CAPRIN1: variants seen among roughly 807,000 people sequenced by gnomAD.
The protein encoded by CAPRIN1 is cell cycle associated protein 1.
In CAPRIN1, 29 loss-of-function variants were observed where a neutral mutation model predicts 100.9. The observed-to-expected ratio is 0.29, with a 90% CI of 0.21 to 0.39. The LOEUF is 0.39. Ranked by LOEUF, CAPRIN1 falls within the 10% of genes least tolerant of loss-of-function variation. The pLI, the probability that CAPRIN1 is intolerant of heterozygous loss-of-function variation, is 1.00. For missense variants in CAPRIN1, 795 were observed against 876.7 expected (o/e 0.91, Z 1.18); for synonymous variants, 338 against 307.5 (o/e 1.10, Z -1.04).
Position 34,082,937 on chromosome 11 carries a change from A to G in CAPRIN1, c.880-18A>G, listed in dbSNP as rs766494933. 5 of 1,613,526 alleles carry G rather than the reference A, an allele frequency of 3.1e-6. No individual in the cohort carries two copies. The South Asian group carries it at 4.4e-5, about 14-fold the overall frequency. ...TGCCTTTCAAACAAATGTCTCAAAC[A>G]TTTACTTTGCTTTGCAGTATGTAAA... is the stretch of plus-strand genomic sequence containing the variant. On this transcript the variant is annotated intron_variant, in intron 8 of 18. Transcript: ENST00000341394.
chr11:34,057,457 C>A (rs1850475936), intron 2 of CAPRIN1, among the ~76,000 whole-genome samples: 1 of 152,078 alleles, frequency 6.6e-6, no homozygotes, highest in African/African-American at 2.4e-5. Flanking sequence ...AGGATACTAC[C>A]CATGTGGCAG....
chr11:34,069,899 A>G (rs1380892840), intron 2 of CAPRIN1, among the ~76,000 whole-genome samples: 6 of 114,358 alleles, frequency 5.2e-5, no homozygotes, highest in African/African-American at 2.0e-4. Flanking sequence ...AAAATAGATC[A>G]TTTGACCTAA....
chr11:34,070,355 A>G (rs747348073), intron 2 of CAPRIN1, among the ~76,000 whole-genome samples: 3 of 152,252 alleles, frequency 2.0e-5, no homozygotes, highest in Non-Finnish European at 2.9e-5. Flanking sequence ...GAAGTACATT[A>G]AAGACAATAT....
intron 11 of CAPRIN1, among the ~76,000 whole-genome samples, chr11:34,086,750 G>A (rs1851154175): frequency 6.6e-6 from 1 of 152,162 alleles, no homozygotes; most frequent in Non-Finnish European, 1.5e-5. Flanking sequence ...TCAATCACTA[G>A]TTACCCTCAC....
intron 6 of CAPRIN1, among the ~76,000 whole-genome samples, chr11:34,078,332 A>G (rs527796020): frequency 1.4e-4 from 22 of 152,326 alleles, no homozygotes; most frequent in African/African-American, 5.1e-4. Flanking sequence ...ACAGTGACCT[A>G]TCGGGGAGTG....
chr11:34,078,979 T>G (rs1850958819), intron 6 of CAPRIN1, among the ~76,000 whole-genome samples: 1 of 151,914 alleles, frequency 6.6e-6, no homozygotes, highest in Non-Finnish European at 1.5e-5. Context: ...AGGGGATATA[T>G]TGTGTCTTTA....
At chr11:34,097,367 T>A in intron 17 of CAPRIN1, 71 bp downstream of exon 17, 1 of 1,231,114 alleles carries the variant, frequency 8.1e-7, no homozygotes, top group Non-Finnish European at 1.2e-6. Flanking sequence ...TGTTGTTGCT[T>A]AATGAACCTA....
In CAPRIN1 at chr11:34,096,569, G is replaced by T. The variant is rs777495008; in HGVS notation, c.1796G>T (p.Arg599Leu). The T allele has an allele frequency of 6.2e-7, 1 of 1,614,034 alleles. No homozygotes were observed. The highest frequency in any genetic ancestry group is 8.5e-7 in the Non-Finnish European group (1 of 1,179,968). ...CCTCAGCAGAACACTGGATTTCCAC[G>T]TAGCAATCAGCCCTATTACAATAGT... is the stretch of plus-strand genomic sequence containing the variant. ...QPPQQNTGFP[R>L]SNQPYYNSRG... The change falls in exon 16 of 19, where the codon CGT becomes CTT. Residue 599 changes from arginine (R) to leucine (L), a missense_variant. Around this residue, in one of 3 missense-constraint regions of CAPRIN1, gnomAD observed 648 missense variants for 697.9 expected, o/e 0.93. Transcript: ENST00000341394.
chr11:34,083,179 T>C, intron 9 of CAPRIN1, 138 bp downstream of exon 9: 1 of 634,568 alleles, frequency 1.6e-6, no homozygotes, highest in Admixed American at 2.9e-5. Context: ...ACCAGACTGT[T>C]ACTTCCAAAA....
At chr11:34,064,567 G>A (rs1189961572) in intron 2 of CAPRIN1, among the ~76,000 whole-genome samples, 1 of 152,204 alleles carries the variant, frequency 6.6e-6, no homozygotes, top group East Asian at 1.9e-4. Flanking sequence ...AATCTTTATA[G>A]CTATAGTAAT....
chr11:34,070,726 A>G (rs1850790283), intron 2 of CAPRIN1, among the ~76,000 whole-genome samples: 1 of 149,452 alleles, frequency 6.7e-6, no homozygotes, highest in South Asian at 2.1e-4. Context: ...TTTGGATGCA[A>G]AATTTCACTC....
chr11:34,052,106 T>C (rs895562017), intron 1 of CAPRIN1: 3 of 150,434 alleles, frequency 2.0e-5, no homozygotes, highest in Non-Finnish European at 3.0e-5. Flanking sequence ...CAGTGGCCGT[T>C]GGCGGCCGGC....
chr11:34,094,768 A>G (rs566926586), intron 15 of CAPRIN1, among the ~76,000 whole-genome samples: 12 of 152,348 alleles, frequency 7.9e-5, no homozygotes, highest in East Asian at 1.9e-4. Flanking sequence ...CTGAACTCCA[A>G]CCTCAGCAGT....
Sources: gnomAD v4.1 joint callset for allele counts (sites outside exome capture counted in the v4.1 genomes callset) on GRCh38, gnomAD v4.1.1 for gene constraint, gnomAD v4.1.1 regional missense constraint, MANE v1.5 for transcripts, NCBI Gene and HGNC (gene_info 2026-07-23, HGNC 2026-07-21) for gene names.